The following SLC25A40 variants were observed in gnomAD, a reference collection of about 807,000 sequenced individuals.
SLC25A40 encodes the protein solute carrier family 25 member 40, also known as mitochondrial glutathione transporter SLC25A40.
A neutral mutation model predicts 46.5 loss-of-function variants in SLC25A40; 41 were observed. The ratio of observed to expected loss-of-function variants is 0.88; its 90% CI spans 0.69 to 1.14. SLC25A40 has a LOEUF of 1.14. Ranked by LOEUF, SLC25A40 falls within the 50% of genes most tolerant of loss-of-function variation. SLC25A40 has a pLI of 0.00. For missense variants in SLC25A40, 386 were observed against 393.6 expected, an observed-to-expected ratio of 0.98 and a Z score of 0.16; for synonymous variants, 126 against 127.5, an observed-to-expected ratio of 0.99 and a Z score of 0.08.
chr7:87,875,941 G>C (rs1199504634), intron 1 of SLC25A40, among the ~76,000 whole-genome samples, 155 bp downstream of exon 1: 1 of 152,206 alleles, frequency 6.6e-6, no homozygotes, highest in Non-Finnish European at 1.5e-5. Context: ...CTTGCTGTGC[G>C]ACCCAGGGCG....
chr7:87,853,296 T>C (rs1201253811), intron 5 of SLC25A40, among the ~76,000 whole-genome samples: 3 of 152,168 alleles, frequency 2.0e-5, no homozygotes, highest in Non-Finnish European at 2.9e-5. Flanking sequence ...ACATATATCA[T>C]AACTGGTAAA....
intron 1 of SLC25A40, among the ~76,000 whole-genome samples, chr7:87,868,335 T>A (rs935961861): frequency 1.3e-5 from 2 of 152,228 alleles, no homozygotes; most frequent in African/African-American, 2.4e-5. Context: ...CAAAGAATTA[T>A]CTGACCAAAT....
At chr7:87,850,236 A>C (rs951481993) in intron 5 of SLC25A40, among the ~76,000 whole-genome samples, 3 of 152,208 alleles carry the variant, frequency 2.0e-5, no homozygotes, top group Admixed American at 6.5e-5. Flanking sequence ...TATTATAAGA[A>C]AGGAAGTAGA....
In SLC25A40 at chr7:87,858,694, T is replaced by G; in HGVS notation, c.34A>C (p.Lys12Gln). The change falls in exon 3 of 12, where the codon AAA (lysine) becomes CAA (glutamine). Residue 12 changes from lysine to glutamine, a missense_variant. By Grantham distance (53) the Lys-to-Gln change is moderately conservative (BLOSUM62 1). Coordinates refer to ENST00000341119, the MANE Select transcript of SLC25A40 (RefSeq NM_018843.4). Reference sequence around the variant, plus strand: ...AGCATTTGTTGAAGAGGTGTCACTTTGATAATCTCTTGTCCCCTTGTCTCA... The same window carrying G: ...AGCATTTGTTGAAGAGGTGTCACTTGGATAATCTCTTGTCCCCTTGTCTCA... ...DPETRGQEII[K>Q]VTPLQQMLAS... The G allele has an allele frequency of 1.2e-6, 2 of 1,613,146 alleles. No individual in the cohort carries two copies. Among genetic ancestry groups the G allele is most frequent in the South Asian group, 1.1e-5 (1 of 91,042 alleles).
intron 1 of SLC25A40, among the ~76,000 whole-genome samples, chr7:87,866,114 G>T (rs1838794754): frequency 6.6e-6 from 1 of 152,032 alleles, no homozygotes; most frequent in South Asian, 2.1e-4. Flanking sequence ...AATATTAATG[G>T]TCTGTGTACT....
At chr7:87,863,619 G>T (rs1008164731) in intron 1 of SLC25A40, among the ~76,000 whole-genome samples, 1 of 150,452 alleles carries the variant, frequency 6.6e-6, no homozygotes, top group Non-Finnish European at 1.5e-5. Flanking sequence ...TGTTTTGGGG[G>T]TACATGTGAT....
Position 87,875,034 on chromosome 7 carries a change from GT to G in SLC25A40, c.-94+1061del, listed in dbSNP as rs370296580. ...TCTGTAGCTTATATTTTGAAAATAAGTTTTTTCCCATAGAAATTACAATATT... is the reference window on the plus strand; with the variant it reads ...TCTGTAGCTTATATTTTGAAAATAAGTTTTTCCCATAGAAATTACAATATT... On this transcript the variant is annotated intron_variant, in intron 1 of 11. Transcript: ENST00000341119. Among the ~76,000 whole-genome samples, 560 of 152,206 alleles carry G rather than the reference GT, an allele frequency of 3.7e-3. 3 individuals carry two copies. Among genetic ancestry groups the G allele is most frequent in the African/African-American group, 0.013 (536 of 41,530 alleles).
At position 87,841,699 on chromosome 7, in the gene SLC25A40, T is replaced by C. The variant is rs200485109; in HGVS notation, c.757A>G (p.Thr253Ala). ...GTTTTTACTACATCAAATGGTAAAG[T>C]TGCAACAGCAGCAAACTATCAGAAA... ...ALSGSFAAVA[T>A]LPFDVVKTQK... The change falls in exon 10 of 12, where the codon ACT (threonine) becomes GCT (alanine). Residue 253 changes from threonine (T) to alanine (A), a missense_variant. Physicochemically the swap from Thr to Ala is moderately conservative, Grantham distance 58. Transcript: ENST00000341119. 67 of 1,528,382 alleles carry C rather than the reference T, an allele frequency of 4.4e-5. No individual in the cohort carries two copies. Among genetic ancestry groups the C allele is most frequent in the Non-Finnish European group, 1.8e-5 (20 of 1,136,106 alleles). 94.7% of individuals were successfully genotyped at this position (1,528,382 alleles called of 1,614,324 possible).
intron 6 of SLC25A40, among the ~76,000 whole-genome samples, chr7:87,848,774 C>A (rs1838460214): frequency 6.6e-6 from 1 of 152,134 alleles, no homozygotes; most frequent in South Asian, 2.1e-4. Flanking sequence ...AGAAACTAGT[C>A]CATGTTTATG....
intron 9 of SLC25A40, 60 bp downstream of exon 9, chr7:87,843,694 G>T: frequency 7.7e-7 from 1 of 1,302,566 alleles, no homozygotes. Flanking sequence ...GCTATATTTT[G>T]TTTTGTTTTA....
At chr7:87,841,877 G>T in intron 9 of SLC25A40, 163 bp from the exon 10 acceptor site, 1 of 359,228 alleles carries the variant, frequency 2.8e-6, no homozygotes, top group Non-Finnish European at 4.9e-6. Flanking sequence ...AAAGCAAATA[G>T]ATATGTATTT....
intron 10 of SLC25A40, among the ~76,000 whole-genome samples, chr7:87,841,041 T>C (rs1838324101): frequency 6.6e-6 from 1 of 151,478 alleles, no homozygotes; most frequent in Admixed American, 6.6e-5. Context: ...AATAGGAGTA[T>C]ACGTTTGTTC....
chr7:87,854,395 G>A, intron 4 of SLC25A40, 85 bp from the exon 5 acceptor site: 5 of 740,754 alleles, frequency 6.7e-6, no homozygotes, highest in East Asian at 5.4e-5. Context: ...ATCACAATGA[G>A]GAAACTAGAA....
At chr7:87,868,373 T>G (rs748073240) in intron 1 of SLC25A40, among the ~76,000 whole-genome samples, 2 of 152,178 alleles carry the variant, frequency 1.3e-5, no homozygotes, top group Non-Finnish European at 1.5e-5. Context: ...TCCCCCTACC[T>G]ATATGCAGTG....
intron 1 of SLC25A40, among the ~76,000 whole-genome samples, chr7:87,863,570 G>A (rs549584328): frequency 6.6e-6 from 1 of 151,238 alleles, no homozygotes; most frequent in Non-Finnish European, 1.5e-5. Context: ...AACGGACTAA[G>A]ACATTTATTT....
chr7:87,858,056 A>T (rs1838641826), intron 3 of SLC25A40, among the ~76,000 whole-genome samples: 1 of 152,116 alleles, frequency 6.6e-6, no homozygotes, highest in South Asian at 2.1e-4. Flanking sequence ...AGACTGAAAT[A>T]CGCCCTGGTC....
intron 5 of SLC25A40, among the ~76,000 whole-genome samples, chr7:87,853,030 A>G (rs1838543436): frequency 1.3e-5 from 2 of 152,252 alleles, no homozygotes; most frequent in African/African-American, 4.8e-5. Context: ...GTGAAAGACC[A>G]TGTTTAAGAG....
chr7:87,843,291 A>AT (rs950075345), intron 9 of SLC25A40, among the ~76,000 whole-genome samples: 1 of 152,096 alleles, frequency 6.6e-6, no homozygotes, highest in African/African-American at 2.4e-5. Flanking sequence ...TGGTAACAAG[A>AT]TTATTTCCTT....
At chr7:87,861,123 G>C (rs903140096) in intron 1 of SLC25A40, among the ~76,000 whole-genome samples, 8 of 152,108 alleles carry the variant, frequency 5.3e-5, no homozygotes, top group African/African-American at 1.9e-4. Context: ...AGTGTAACAA[G>C]GTAATGGATG....
Sources: gnomAD v4.1 joint callset for allele counts (sites outside exome capture counted in the v4.1 genomes callset) on GRCh38, gnomAD v4.1.1 for gene constraint, MANE v1.5 for transcripts, NCBI Gene and HGNC (gene_info 2026-07-23, HGNC 2026-07-21) for gene names.